Variants in NAA16 observed in about 807,000 individuals in gnomAD.
The protein encoded by NAA16 is N-alpha-acetyltransferase 16, NatA auxiliary subunit, also known as NARG1-like protein.
A neutral mutation model predicts 110.3 loss-of-function variants in NAA16; 97 were observed. That is an observed-to-expected ratio of 0.88 (90% CI 0.75 to 1.04). The LOEUF is 1.04. Ranked by LOEUF, NAA16 falls within the 50% of genes least tolerant of loss-of-function variation. The pLI, the probability that NAA16 is intolerant of heterozygous loss-of-function variation, is 0.00. For missense variants in NAA16, 1,017 were observed against 1,005.1 expected (o/e 1.01, Z -0.16); for synonymous variants, 372 against 330.6 (o/e 1.13, Z -1.36).
At chr13:41,346,183 T>G (rs1208297169) in intron 9 of NAA16, among the ~76,000 whole-genome samples, 2 of 152,210 alleles carry the variant, frequency 1.3e-5, no homozygotes, top group Non-Finnish European at 2.9e-5. Context: ...GAGTCCAGAT[T>G]CATTCTTTTG....
intron 9 of NAA16, among the ~76,000 whole-genome samples, chr13:41,348,687 TG>T (rs576696349): frequency 3.3e-5 from 5 of 152,050 alleles, no homozygotes; most frequent in Non-Finnish European, 4.4e-5. Flanking sequence ...CCTCTTTTTT[TG>T]GGGGGGCGGG....
intron 19 of NAA16, 65 bp downstream of exon 19, chr13:41,374,904 C>A: frequency 3.1e-6 from 3 of 973,890 alleles, no homozygotes; most frequent in South Asian, 1.5e-5. Context: ...GTCTTTACAG[C>A]ATAATTCTTG....
At chr13:41,317,002 G>A (rs559964235) in intron 2 of NAA16, 72 bp downstream of exon 2, 2 of 1,051,322 alleles carry the variant, frequency 1.9e-6, no homozygotes, top group Non-Finnish European at 1.5e-6. Context: ...TGAAAGAAGA[G>A]TATTTCCCCG....
chr13:41,358,945 T>A lies in NAA16; in HGVS notation c.1393T>A (p.Cys465Ser), dbSNP rs762521806. Residue 465 changes from cysteine to serine, a missense_variant, in exon 12 of 20, where the codon TGC becomes AGC. Cys to Ser is a moderately radical substitution (Grantham distance 112). Transcript: ENST00000379406. ...TATGATAAAAGAAGCAGAGGAAATG[T>A]GCTCCAAGTTCACAAGGGTAGGAAA... is the stretch of plus-strand genomic sequence containing the variant. The part of the protein sequence containing the change: ...ANMIKEAEEM[C>S]SKFTREGTSA... 6.2e-7 allele frequency: 1 copy of A among 1,608,534 alleles called. No individual in the cohort carries two copies. Among genetic ancestry groups the A allele is most frequent in the East Asian group, 2.2e-5 (1 of 44,772 alleles).
intron 4 of NAA16, among the ~76,000 whole-genome samples, chr13:41,322,063 C>T (rs1302642857): frequency 6.6e-6 from 1 of 152,124 alleles, no homozygotes; most frequent in Non-Finnish European, 1.5e-5. Context: ...AAAACAATGG[C>T]TGCTAAAGTG....
Position 41,358,747 on chromosome 13 carries a change from C to A in NAA16, c.1258-63C>A, listed in dbSNP as rs964904382. 6.0e-6 allele frequency: 9 copies of A among 1,502,518 alleles called. No individual in the cohort carries two copies. The South Asian group carries it at 1.1e-4, about 19-fold the overall frequency. 93.1% of individuals were successfully genotyped at this position (1,502,518 alleles called of 1,614,324 possible). On this transcript the variant is annotated intron_variant, in intron 11 of 19. Transcript: ENST00000379406. ...CTTTTTTGTCTGTGTAAATTATTTT[C>A]CATTTTATTGTACTCATATTCTCTT...
chr13:41,335,870 T>C (rs1198562372), intron 8 of NAA16, among the ~76,000 whole-genome samples: 1 of 152,076 alleles, frequency 6.6e-6, no homozygotes, highest in Non-Finnish European at 1.5e-5. Context: ...TTTTTTTTTT[T>C]TTCCCCCAAA....
At chr13:41,351,227 G>A (rs1373494302) in intron 9 of NAA16, among the ~76,000 whole-genome samples, 1 of 152,158 alleles carries the variant, frequency 6.6e-6, no homozygotes, top group African/African-American at 2.4e-5. Flanking sequence ...TAAAGTACTT[G>A]GTTTGAATAT....
rs1410633182 is a variant in NAA16 at position 41,367,535 on chromosome 13, G to A, written c.1636G>A (p.Asp546Asn). ...RAYVDLLRLE[D>N]ILRRHAFYFK... ...CTATGTTGACCTTTTGAGATTAGAA[G>A]ATATACTCAGAAGACATGCCTTTTA... The change falls in exon 14 of 20, where the codon GAT becomes AAT. Residue 546 changes from aspartate (D) to asparagine (N), a missense_variant. Asp to Asn is a conservative substitution (Grantham distance 23). Coordinates refer to ENST00000379406, the MANE Select transcript of NAA16 (RefSeq NM_024561.5). 24 of 1,612,820 alleles carry A rather than the reference G, an allele frequency of 1.5e-5. No homozygotes were observed. The highest frequency in any genetic ancestry group is 2.0e-5 in the Non-Finnish European group (24 of 1,179,192).
At chr13:41,324,378 T>C (rs894241808) in intron 5 of NAA16, among the ~76,000 whole-genome samples, 29 of 133,830 alleles carry the variant, frequency 2.2e-4, no homozygotes, top group Middle Eastern at 3.6e-3. Context: ...TTTTTTTTTT[T>C]TTTTTTTTTT....
intron 16 of NAA16, 61 bp from the exon 17 acceptor site, chr13:41,372,671 A>T (rs1593535858): frequency 2.1e-6 from 3 of 1,448,446 alleles, no homozygotes; most frequent in Non-Finnish European, 2.7e-6. Flanking sequence ...AGACTGAAAT[A>T]AAGTGAGGAA....
chr13:41,319,768 C>T (rs762870293), intron 3 of NAA16, among the ~76,000 whole-genome samples: 22 of 152,038 alleles, frequency 1.4e-4, no homozygotes, highest in Non-Finnish European at 3.1e-4. Context: ...CCACCCTCCT[C>T]GGCCTCCCAA....
intron 13 of NAA16, among the ~76,000 whole-genome samples, chr13:41,364,051 TTAA>T (rs112307730): frequency 0.086 from 13,099 of 152,166 alleles, 648 homozygotes; most frequent in East Asian, 0.2. Flanking sequence ...TCTAAAATTC[TTAA>T]TGATATCATT....
intron 14 of NAA16, among the ~76,000 whole-genome samples, chr13:41,368,085 A>C (rs1157440810): frequency 2.0e-5 from 3 of 151,394 alleles, no homozygotes; most frequent in Non-Finnish European, 4.5e-5. Context: ...TCTGTGGACT[A>C]GTTTTTTTCT....
At position 41,337,393 on chromosome 13, in the gene NAA16, A is replaced by AT. The variant is rs539735240; in HGVS notation, c.1014+639dup. Among the ~76,000 whole-genome samples, 381 of 152,174 alleles carry AT rather than the reference A, an allele frequency of 2.5e-3. 1 individual carries two copies. Among genetic ancestry groups the AT allele is most frequent in the African/African-American group, 8.8e-3 (364 of 41,498 alleles). On this transcript the variant is annotated intron_variant, in intron 9 of 19. Coordinates refer to ENST00000379406, the MANE Select transcript of NAA16 (RefSeq NM_024561.5). ...CCCATCTCTAGTAAGAATACAAAAA[A>AT]TTAGCCGGGCGTGGTGGTGGGCGCC...
At chr13:41,330,141 A>G (rs532009088) in intron 7 of NAA16, among the ~76,000 whole-genome samples, 2 of 151,946 alleles carry the variant, frequency 1.3e-5, no homozygotes, top group South Asian at 4.1e-4. Context: ...GGTCTTTAAT[A>G]TTTTGTGAAG....
Position 41,373,106 on chromosome 13 carries a change from TAAATG to T in NAA16, c.2155+279_2155+283del, listed in dbSNP as rs1388808925. The T allele has an allele frequency of 3.2e-6, 3 of 933,014 alleles. No homozygotes were observed. In the African/African-American group the frequency reaches 5.3e-5, roughly 17 times the overall value. The allele number at this position is 933,014 out of a possible 1,614,324, so 57.8% of individuals were successfully genotyped here. ...GCAAAATAATAATAATTTACATAGT[TAAATG>T]AACGTGTCTATAAAATAAACCTGTT... On this transcript the variant is annotated intron_variant, in intron 17 of 19. Transcript: ENST00000379406.
intron 18 of NAA16, among the ~76,000 whole-genome samples, chr13:41,374,180 C>T (rs191552942): frequency 3.2e-4 from 48 of 149,540 alleles, no homozygotes; most frequent in African/African-American, 1.1e-3. Flanking sequence ...CTCACTCTGT[C>T]GCCCAGGCTG....
chr13:41,318,755 A>G lies in NAA16; in HGVS notation c.140-51A>G, dbSNP rs779830431. 5.1e-6 allele frequency: 5 copies of G among 971,514 alleles called. No homozygotes were observed. In the Admixed American group the frequency reaches 7.6e-5, roughly 15 times the overall value. The allele number at this position is 971,514 out of a possible 1,614,324, so 60.2% of individuals were successfully genotyped here. ...CTATTAAAGTACTATTAAGAGAATA[A>G]GAGAATAATTTTGTGTCATTTGTAA... On this transcript the variant is annotated intron_variant, in intron 2 of 19. Transcript: ENST00000379406.
Sources: gnomAD v4.1 joint callset for allele counts (sites outside exome capture counted in the v4.1 genomes callset) on GRCh38, gnomAD v4.1.1 for gene constraint, MANE v1.5 for transcripts, NCBI Gene and HGNC (gene_info 2026-07-23, HGNC 2026-07-21) for gene names.